The following TSPAN5 variants were observed in gnomAD, a reference collection of about 807,000 sequenced individuals.
TSPAN5 encodes the protein tetraspanin 5.
A neutral mutation model predicts 37.1 loss-of-function variants in TSPAN5; 10 were observed. The ratio of observed to expected loss-of-function variants is 0.27; its 90% CI spans 0.17 to 0.46. The LOEUF is 0.46. TSPAN5 is among the 20% of genes least tolerant of loss of function. TSPAN5 has a pLI of 1.00. For missense variants in TSPAN5, 195 were observed against 326.6 expected (o/e 0.60, Z 3.11); for synonymous variants, 110 against 118.9 (o/e 0.93, Z 0.48).
At chr4:98,564,796 CGT>C (rs1284824021) in intron 1 of TSPAN5, among the ~76,000 whole-genome samples, 2 of 151,698 alleles carry the variant, frequency 1.3e-5, no homozygotes, top group East Asian at 3.9e-4. Context: ...CTGGGGTTCA[CGT>C]GTGTTTCTAA....
chr4:98,479,711 G>A (rs1039493754), intron 4 of TSPAN5, among the ~76,000 whole-genome samples: 8 of 152,066 alleles, frequency 5.3e-5, no homozygotes, highest in African/African-American at 7.2e-5. Flanking sequence ...GTAGCTTCAC[G>A]TCCTGTTTCT....
intron 2 of TSPAN5, among the ~76,000 whole-genome samples, chr4:98,489,599 T>C (rs1753042941): frequency 1.3e-5 from 2 of 152,128 alleles, no homozygotes; most frequent in Admixed American, 6.5e-5. Flanking sequence ...CTGATTGCCG[T>C]CGTTGTAGAA....
At chr4:98,477,388 G>C (rs1274577289) in intron 5 of TSPAN5, among the ~76,000 whole-genome samples, 1 of 152,168 alleles carries the variant, frequency 6.6e-6, no homozygotes, top group Non-Finnish European at 1.5e-5. Context: ...TCCCCTGGAG[G>C]AAGCCCACAG....
At chr4:98,542,791 G>A (rs1159897388) in intron 1 of TSPAN5, among the ~76,000 whole-genome samples, 1 of 150,426 alleles carries the variant, frequency 6.6e-6, no homozygotes, top group Non-Finnish European at 1.5e-5. Flanking sequence ...AATGAGGTGT[G>A]ACGGAGACAA....
At chr4:98,631,269 A>G (rs1228685178) in intron 1 of TSPAN5, among the ~76,000 whole-genome samples, 1 of 152,136 alleles carries the variant, frequency 6.6e-6, no homozygotes, top group Non-Finnish European at 1.5e-5. Context: ...AGCACCCCCT[A>G]CAGACAACAT....
chr4:98,525,992 T>A (rs1753952869), intron 1 of TSPAN5, among the ~76,000 whole-genome samples: 1 of 152,184 alleles, frequency 6.6e-6, no homozygotes, highest in African/African-American at 2.4e-5. Context: ...TGCATATAAA[T>A]ATACTCACAT....
At chr4:98,555,219 A>G (rs1754714598) in intron 1 of TSPAN5, among the ~76,000 whole-genome samples, 1 of 152,112 alleles carries the variant, frequency 6.6e-6, no homozygotes, top group Non-Finnish European at 1.5e-5. Context: ...CATAATCCCT[A>G]AGGATCTCTG....
Position 98,658,302 on chromosome 4 carries a change from G to C in TSPAN5, c.-76C>G, listed in dbSNP as rs1250396620. The C allele has an allele frequency of 7.9e-6, 10 of 1,270,418 alleles. No individual in the cohort carries two copies. The highest frequency in any genetic ancestry group is 1.2e-5 in the Non-Finnish European group (10 of 868,434). The allele number at this position is 1,270,418 out of a possible 1,614,324, so 78.7% of individuals were successfully genotyped here. A position where few individuals can be genotyped will look rare whatever the true frequency, so the allele number is the denominator to read the frequency against. On this transcript the variant is annotated 5_prime_UTR_variant, in exon 1 of 8. Transcript: ENST00000305798. ...GAAGCACCGTTGCTCGGAGCAGCCC[G>C]GCGGGGAGCAGGAGCTCAGGGACAC...
Position 98,614,383 on chromosome 4 carries a change from G to GGCT in TSPAN5, c.81+43760_81+43762dup, listed in dbSNP as rs529859843. Among the ~76,000 whole-genome samples, 11 of 152,180 alleles carry GGCT rather than the reference G, an allele frequency of 7.2e-5. No homozygotes were observed. In the East Asian group the frequency reaches 2.1e-3, roughly 29 times the overall value. Reference sequence around the variant, plus strand: ...TGCCTGGGCTGTGGCGGGTAGAGTGGGCTGCATTTCTGACAGAAATGGAGC... The same window carrying GGCT: ...TGCCTGGGCTGTGGCGGGTAGAGTGGGCTGCTGCATTTCTGACAGAAATGGAGC... On this transcript the variant is annotated intron_variant, in intron 1 of 7. Transcript: ENST00000305798.
At chr4:98,538,947 G>A (rs747673278) in intron 1 of TSPAN5, among the ~76,000 whole-genome samples, 14 of 152,026 alleles carry the variant, frequency 9.2e-5, no homozygotes, top group Non-Finnish European at 2.1e-4. Flanking sequence ...TGCCGTGTCT[G>A]ATATGAAAAC....
At chr4:98,611,707 A>C (rs536971476) in intron 1 of TSPAN5, among the ~76,000 whole-genome samples, 91 of 152,356 alleles carry the variant, frequency 6.0e-4, no homozygotes, top group African/African-American at 2.1e-3. Context: ...GGGTCTTCCC[A>C]GGCAAGAATG....
intron 1 of TSPAN5, among the ~76,000 whole-genome samples, chr4:98,533,443 C>T (rs182346358): frequency 6.2e-4 from 93 of 150,800 alleles, no homozygotes; most frequent in Admixed American, 2.4e-3. Context: ...AGGATTTATC[C>T]ATTATTACAG....
intron 1 of TSPAN5, among the ~76,000 whole-genome samples, chr4:98,555,477 C>T (rs1754720210): frequency 6.6e-6 from 1 of 152,174 alleles, no homozygotes; most frequent in Admixed American, 6.5e-5. Flanking sequence ...TTACTAACCA[C>T]ACTTCCTGAA....
intron 1 of TSPAN5, among the ~76,000 whole-genome samples, chr4:98,530,754 T>C (rs544216002): frequency 1.3e-4 from 15 of 115,062 alleles, no homozygotes; most frequent in African/African-American, 4.6e-4. Context: ...CACACACACA[T>C]ATTTAGAAAC....
chr4:98,475,813 C>A (rs557989577), intron 7 of TSPAN5, among the ~76,000 whole-genome samples: 12 of 152,018 alleles, frequency 7.9e-5, no homozygotes, highest in Non-Finnish European at 1.6e-4. Context: ...CACGGTGAAA[C>A]CCCGTCTCTA....
chr4:98,546,065 A>G (rs1754463868), intron 1 of TSPAN5, among the ~76,000 whole-genome samples: 1 of 152,200 alleles, frequency 6.6e-6, no homozygotes, highest in South Asian at 2.1e-4. Context: ...TATTAATAAT[A>G]TACATCTCAA....
intron 1 of TSPAN5, among the ~76,000 whole-genome samples, chr4:98,592,829 G>C (rs933225534): frequency 1.3e-5 from 2 of 150,264 alleles, no homozygotes; most frequent in Non-Finnish European, 3.0e-5. Flanking sequence ...TCTTAATCCA[G>C]TCTATCATTG....
intron 1 of TSPAN5, among the ~76,000 whole-genome samples, chr4:98,559,117 A>C (rs77915182): frequency 7.2e-6 from 1 of 138,498 alleles, no homozygotes; most frequent in Admixed American, 7.5e-5. Context: ...GTGGGAAACA[A>C]GCCTTTCAAG....
intron 2 of TSPAN5, among the ~76,000 whole-genome samples, chr4:98,498,578 G>A (rs928294371): frequency 2.0e-5 from 3 of 152,104 alleles, no homozygotes; most frequent in African/African-American, 7.2e-5. Context: ...AGGGACAAAA[G>A]GGGTCAGAGG....
Sources: allele counts gnomAD v4.1 joint callset (sites outside exome capture counted in the v4.1 genomes callset), GRCh38; gene constraint gnomAD v4.1.1; transcripts MANE v1.5; gene names NCBI Gene and HGNC (gene_info 2026-07-23, HGNC 2026-07-21).